Variants in RELB observed in about 807,000 individuals in gnomAD.
RELB encodes transcription factor RelB.
In RELB, 14 loss-of-function variants were observed where a neutral mutation model predicts 55.4. The observed-to-expected ratio is 0.25, with a 90% CI of 0.17 to 0.40. The LOEUF is 0.40. RELB is among the 10% of genes least tolerant of loss of function. The pLI, the probability that RELB is intolerant of heterozygous loss-of-function variation, is 1.00. For synonymous variants in RELB, 409 were observed against 371.3 expected (o/e 1.10, Z -1.17); for missense variants, 669 against 830.7 (o/e 0.81, Z 2.39).
chr19:45,005,729 G>A (rs1294451332), intron 2 of RELB, among the ~76,000 whole-genome samples: 1 of 152,052 alleles, frequency 6.6e-6, no homozygotes, highest in Non-Finnish European at 1.5e-5. Context: ...TCAGCCTCCC[G>A]AGTAGCTGAG....
At chr19:45,024,230 C>T (rs1007804375) in intron 5 of RELB, among the ~76,000 whole-genome samples, 7 of 152,070 alleles carry the variant, frequency 4.6e-5, no homozygotes, top group African/African-American at 1.2e-4. Flanking sequence ...GGCGCGATCT[C>T]GGCTCACTGC....
At position 45,037,674 on chromosome 19, in the gene RELB, C is replaced by T; in HGVS notation, c.1624C>T (p.Pro542Ser). ...EPLTLDSYQA[P>S]GPGDGGTASL... The stretch of plus-strand genomic sequence containing the variant: ...ACTGACACTGGACTCGTACCAGGCC[C>T]CGGGCCCCGGGGATGGAGGCACCGC... The change falls in exon 12 of 12, where the codon CCG (proline) becomes TCG (serine). Residue 542 changes from proline to serine, a missense_variant. Coordinates refer to ENST00000221452, the MANE Select transcript of RELB (RefSeq NM_006509.4). The T allele has an allele frequency of 6.4e-7, 1 of 1,569,330 alleles. No homozygotes were observed. The highest frequency in any genetic ancestry group is 1.1e-5 in the South Asian group (1 of 87,128).
At chr19:45,003,559 T>G (rs1971242281) in intron 2 of RELB, 1 of 517,036 alleles carries the variant, frequency 1.9e-6, no homozygotes, top group Non-Finnish European at 3.9e-6. Flanking sequence ...AGATTCACTG[T>G]GGCTTAGTAG....
In RELB at chr19:45,035,647, G is replaced by A. The variant is rs796654381; in HGVS notation, c.1354+1119G>A. On this transcript the variant is annotated intron_variant, in intron 11 of 11. Transcript: ENST00000221452. ...GAGAGACCATCCTGGCCAACATGGT[G>A]AAACTCCATCTCTACTAAAAACACA... Among the ~76,000 whole-genome samples, 14 of 152,030 alleles carry A rather than the reference G, an allele frequency of 9.2e-5. 1 individual carries two copies. The highest frequency in any genetic ancestry group is 3.1e-4 in the African/African-American group (13 of 41,454).
At chr19:45,003,924 T>TTTG (rs1418284055) in intron 2 of RELB, among the ~76,000 whole-genome samples, 2 of 125,096 alleles carry the variant, frequency 1.6e-5, no homozygotes, top group South Asian at 2.8e-4. Context: ...TGTTTTTTTT[T>TTTG]TTTTTTTTTT....
At chr19:45,002,157 G>T (rs752715057) in intron 1 of RELB, among the ~76,000 whole-genome samples, 1 of 141,162 alleles carries the variant, frequency 7.1e-6, no homozygotes, top group African/African-American at 2.7e-5. Context: ...TGAGTTGGCC[G>T]AAAGAAGGGG....
intron 3 of RELB, 87 bp downstream of exon 3, chr19:45,009,909 G>T: frequency 2.3e-6 from 3 of 1,294,834 alleles, no homozygotes; most frequent in African/African-American, 1.5e-5. Flanking sequence ...TTCAGTGGGG[G>T]TGGGGGAGAG....
At chr19:45,009,300 C>T (rs1456431451) in intron 2 of RELB, among the ~76,000 whole-genome samples, 1 of 152,084 alleles carries the variant, frequency 6.6e-6, no homozygotes, top group African/African-American at 2.4e-5. Flanking sequence ...AGGCTGGTCT[C>T]GAACTCCTGA....
At chr19:45,028,804 C>T in intron 7 of RELB, 84 bp from the exon 8 acceptor site, 1 of 1,115,058 alleles carries the variant, frequency 9.0e-7, no homozygotes, top group Non-Finnish European at 1.3e-6. Context: ...CCGGGGATGG[C>T]ACCCACTGGG....
At position 45,012,156 on chromosome 19, in the gene RELB, C is replaced by A; in HGVS notation, c.384C>A (p.Val128=). 6.4e-7 allele frequency: 1 copy of A among 1,562,728 alleles called. No individual in the cohort carries two copies. Among genetic ancestry groups the A allele is most frequent in the African/African-American group, 1.4e-5 (1 of 70,306 alleles). ...APGPGPQPHL[V]ITEQPKQRGM... is the part of the protein sequence containing the mutation. ...GCCCGGGCCCGCAGCCGCACCTGGTCATCACGGAGCAGCCCAAGCAGCGCG... is the reference window on the plus strand; with the variant it reads ...GCCCGGGCCCGCAGCCGCACCTGGTAATCACGGAGCAGCCCAAGCAGCGCG... Residue 128 remains valine (V), a synonymous_variant, in exon 4 of 12, where the codon GTC becomes GTA. Transcript: ENST00000221452.
intron 4 of RELB, among the ~76,000 whole-genome samples, chr19:45,021,626 G>A (rs923577933): frequency 1.5e-5 from 2 of 130,080 alleles, no homozygotes; most frequent in African/African-American, 2.9e-5. Flanking sequence ...CCAGGCTGGA[G>A]TGCAGTGTCA....
intron 2 of RELB, among the ~76,000 whole-genome samples, chr19:45,004,633 C>T (rs140365683): frequency 1.3e-4 from 20 of 151,432 alleles, no homozygotes; most frequent in Non-Finnish European, 1.9e-4. Context: ...TTTGGGAGGC[C>T]GAGGTAGGCT....
chr19:45,021,082 G>A (rs1971480064), intron 4 of RELB, among the ~76,000 whole-genome samples: 1 of 152,176 alleles, frequency 6.6e-6, no homozygotes, highest in African/African-American at 2.4e-5. Context: ...GGCTGCGGCA[G>A]GAGAATCCCT....
At chr19:45,025,443 G>C in intron 6 of RELB, 23 bp downstream of exon 6, 4 of 1,599,628 alleles carry the variant, frequency 2.5e-6, no homozygotes, top group Non-Finnish European at 3.4e-6. Flanking sequence ...TGCCTGACCT[G>C]ACCATCCCGT....
At chr19:45,003,139 A>G in intron 2 of RELB, 143 bp downstream of exon 2, 1 of 780,976 alleles carries the variant, frequency 1.3e-6, no homozygotes, top group Non-Finnish European at 2.0e-6. Context: ...GCCAGTTGAG[A>G]TGGGCCCCCT....
intron 2 of RELB, among the ~76,000 whole-genome samples, chr19:45,006,182 A>C (rs1447961052): frequency 6.6e-6 from 1 of 152,160 alleles, no homozygotes; most frequent in East Asian, 1.9e-4. Flanking sequence ...TACGAGAACT[A>C]GTGAGATAGA....
intron 4 of RELB, among the ~76,000 whole-genome samples, chr19:45,019,353 C>T (rs1183378472): frequency 6.6e-6 from 1 of 152,076 alleles, no homozygotes; most frequent in Admixed American, 6.6e-5. Context: ...TGTGAGCCAC[C>T]ACGCCTGGCC....
intron 8 of RELB, among the ~76,000 whole-genome samples, chr19:45,029,980 C>A (rs1008012069): frequency 1.3e-5 from 2 of 152,116 alleles, no homozygotes; most frequent in Admixed American, 1.3e-4. Context: ...CCAGCCTGGG[C>A]AACATGGTGA....
chr19:45,017,786 C>T (rs114899538), intron 4 of RELB, among the ~76,000 whole-genome samples: 5,282 of 150,328 alleles, frequency 0.035, 200 homozygotes, highest in African/African-American at 0.094. Context: ...GGTAGGATTA[C>T]AGGCCTGTAC....
Sources: allele counts gnomAD v4.1 joint callset (sites outside exome capture counted in the v4.1 genomes callset), GRCh38; gene constraint gnomAD v4.1.1; transcripts MANE v1.5; gene names NCBI Gene and HGNC (gene_info 2026-07-23, HGNC 2026-07-21).